The following SLC5A1 variants were observed in gnomAD, a reference collection of about 807,000 sequenced individuals.
SLC5A1 encodes the protein sodium/glucose cotransporter 1.
A neutral mutation model predicts 73.5 loss-of-function variants in SLC5A1; 42 were observed. That is an observed-to-expected ratio of 0.57 (90% CI 0.45 to 0.74). The LOEUF (loss-of-function observed/expected upper bound fraction) is 0.74, where lower values mean the gene tolerates loss of function less well. Among genes scored for constraint, SLC5A1 ranks in the 30% least tolerant of loss-of-function variants. SLC5A1 has a pLI of 0.00. For missense variants in SLC5A1, 634 were observed against 855.4 expected (o/e 0.74, Z 3.23); for synonymous variants, 300 against 317.4 (o/e 0.95, Z 0.58).
At chr22:32,066,086 T>G (rs1185369358) in intron 2 of SLC5A1, among the ~76,000 whole-genome samples, 1 of 152,236 alleles carries the variant, frequency 6.6e-6, no homozygotes, top group Non-Finnish European at 1.5e-5. Context: ...GTATTATGAT[T>G]GGTTGTGCAA....
intron 5 of SLC5A1, among the ~76,000 whole-genome samples, chr22:32,072,777 G>T (rs1207699672): frequency 6.6e-6 from 1 of 152,118 alleles, no homozygotes; most frequent in East Asian, 1.9e-4. Flanking sequence ...TTTCTTTAAA[G>T]GAAATATACA....
chr22:32,081,664 C>T (rs2094000060), intron 5 of SLC5A1, among the ~76,000 whole-genome samples: 1 of 152,224 alleles, frequency 6.6e-6, no homozygotes, highest in African/African-American at 2.4e-5. Context: ...ATTAAAGGCT[C>T]AGAAAAGTTG....
At chr22:32,077,375 C>T (rs1163044011) in intron 5 of SLC5A1, among the ~76,000 whole-genome samples, 2 of 149,504 alleles carry the variant, frequency 1.3e-5, no homozygotes, top group African/African-American at 2.5e-5. Flanking sequence ...TCCTTCCTTT[C>T]GTTCTCTCTT....
chr22:32,086,138 C>T (rs1474436387), intron 9 of SLC5A1, 82 bp from the exon 10 acceptor site: 3 of 861,940 alleles, frequency 3.5e-6, no homozygotes, highest in Non-Finnish European at 5.9e-6. Context: ...GAGACTCCGT[C>T]TCAAAAAAAA....
intron 10 of SLC5A1, among the ~76,000 whole-genome samples, chr22:32,087,718 G>C (rs2094010501): frequency 6.6e-6 from 1 of 152,076 alleles, no homozygotes; most frequent in South Asian, 2.1e-4. Flanking sequence ...TGGCTAGGGG[G>C]TTAGGTTAGG....
rs540045325 is a variant in SLC5A1, at chr22:32,067,108, T to C, written c.312+69T>C. 4 of 1,255,604 alleles carry C rather than the reference T, an allele frequency of 3.2e-6. No homozygotes were observed. In the East Asian group the frequency reaches 9.4e-5, roughly 30 times the overall value. 77.8% of individuals were successfully genotyped at this position (1,255,604 alleles called of 1,614,324 possible). A position where few individuals can be genotyped will look rare whatever the true frequency, so the allele number is the denominator to read the frequency against. On this transcript the variant is annotated intron_variant, in intron 3 of 14. Coordinates refer to ENST00000266088, the MANE Select transcript of SLC5A1 (RefSeq NM_000343.4). ...CTTAGCAGTCAACCAGTTCAATCTA[T>C]GCTCAGAGGAGCTGAAGATGTTAGG... is the stretch of plus-strand genomic sequence containing the variant.
chr22:32,099,100 AAAAAAATATATATAT>A (rs2094031456), intron 11 of SLC5A1, 68 bp from the exon 12 acceptor site: 17 of 158,316 alleles, frequency 1.1e-4, no homozygotes, highest in Non-Finnish European at 1.5e-4. Flanking sequence ...AAAAAAAAAA[AAAAAAATATATATAT>A]ATATATATAT....
chr22:32,053,432 T>C (rs929470698), intron 2 of SLC5A1, among the ~76,000 whole-genome samples: 7 of 152,016 alleles, frequency 4.6e-5, no homozygotes, highest in African/African-American at 1.7e-4. Context: ...TTCATCCTTC[T>C]CTTTTTTTGG....
chr22:32,049,849 T>G (rs1426641268), intron 1 of SLC5A1, 94 bp from the exon 2 acceptor site: 8 of 941,204 alleles, frequency 8.5e-6, no homozygotes, highest in Non-Finnish European at 1.4e-5. Flanking sequence ...GTGGAGTGGG[T>G]AGAAGAAGGT....
At chr22:32,066,881 T>G in intron 2 of SLC5A1, 54 bp from the exon 3 acceptor site, 2 of 1,257,874 alleles carry the variant, frequency 1.6e-6, no homozygotes, top group Admixed American at 3.4e-5. Flanking sequence ...TGACCCACTC[T>G]GAGTGTCCTG....
intron 5 of SLC5A1, among the ~76,000 whole-genome samples, chr22:32,071,352 C>T (rs2093982570): frequency 6.6e-6 from 1 of 152,110 alleles, no homozygotes; most frequent in Non-Finnish European, 1.5e-5. Context: ...ACTCAGGAGG[C>T]TGAGGCGGGA....
At chr22:32,102,309 T>G (rs985842499) in intron 13 of SLC5A1, 72 bp downstream of exon 13, 2 of 1,167,798 alleles carry the variant, frequency 1.7e-6, no homozygotes, top group African/African-American at 3.0e-5. Context: ...TTTTTTAAAT[T>G]TTTCATTATT....
chr22:32,067,863 G>C (rs1422558677), intron 3 of SLC5A1, 104 bp from the exon 4 acceptor site: 3 of 1,185,062 alleles, frequency 2.5e-6, no homozygotes, highest in Non-Finnish European at 2.5e-6. Context: ...CCTTAGGGGA[G>C]AACATGCTGG....
At chr22:32,108,669 C>T (rs552406967) in intron 14 of SLC5A1, among the ~76,000 whole-genome samples, 2 of 152,192 alleles carry the variant, frequency 1.3e-5, no homozygotes, top group South Asian at 2.1e-4. Context: ...AGAGGCTCTA[C>T]CCCAATAAGA....
intron 11 of SLC5A1, among the ~76,000 whole-genome samples, chr22:32,092,979 T>C (rs1435982020): frequency 2.0e-5 from 3 of 152,232 alleles, no homozygotes; most frequent in African/African-American, 2.4e-5. Flanking sequence ...GATTTTTGTA[T>C]AAGGTGAGAG....
chr22:32,076,230 G>A (rs1053644857), intron 5 of SLC5A1, among the ~76,000 whole-genome samples: 1 of 152,260 alleles, frequency 6.6e-6, no homozygotes, highest in Non-Finnish European at 1.5e-5. Flanking sequence ...CAGCTGTGAT[G>A]TGGAGCGTTG....
intron 1 of SLC5A1, among the ~76,000 whole-genome samples, chr22:32,046,718 A>G (rs1393881941): frequency 2.6e-5 from 4 of 152,218 alleles, no homozygotes; most frequent in Admixed American, 2.6e-4. Context: ...ACAGAGGCCT[A>G]AAGTTCTTCC....
chr22:32,069,534 T>A (rs994438411), intron 5 of SLC5A1, among the ~76,000 whole-genome samples: 3 of 152,086 alleles, frequency 2.0e-5, no homozygotes, highest in Non-Finnish European at 4.4e-5. Flanking sequence ...AAAAAAAGAT[T>A]TTTAAGTGTT....
At chr22:32,068,410 T>TGATATGA in intron 4 of SLC5A1, 86 bp from the exon 5 acceptor site, 1 of 893,172 alleles carries the variant, frequency 1.1e-6, no homozygotes. Flanking sequence ...TCTGTGGCTC[T>TGATATGA]GATATTAGGA....
Sources: allele counts gnomAD v4.1 joint callset (sites outside exome capture counted in the v4.1 genomes callset), GRCh38; gene constraint gnomAD v4.1.1; transcripts MANE v1.5; gene names NCBI Gene and HGNC (gene_info 2026-07-23, HGNC 2026-07-21).